Variants in TNFSF12 observed in about 807,000 individuals in gnomAD.
The protein encoded by TNFSF12 is TNF superfamily member 12.
Under a neutral mutation model 31.2 loss-of-function variants are expected in TNFSF12, and 16 were observed. The observed-to-expected ratio is 0.51, with a 90% confidence interval of 0.35 to 0.78. The LOEUF (loss-of-function observed/expected upper bound fraction) is 0.78, where lower values mean the gene tolerates loss of function less well. Among genes scored for constraint, TNFSF12 ranks in the 30% least tolerant of loss-of-function variants. TNFSF12 has a pLI of 0.01. For missense variants in TNFSF12, 324 were observed against 338.8 expected, an observed-to-expected ratio of 0.96 and a Z score of 0.34; for synonymous variants, 150 against 151.4, an observed-to-expected ratio of 0.99 and a Z score of 0.07.
At chr17:7,553,940 T>C (rs538292898) in intron 5 of TNFSF12, 1 of 979,946 alleles carries the variant, frequency 1.0e-6, no homozygotes, top group African/African-American at 1.7e-5. Flanking sequence ...TGGTACAAAA[T>C]CTCAACTTGC....
chr17:7,554,051 G>A (rs1442336028), intron 5 of TNFSF12, among the ~76,000 whole-genome samples: 2 of 152,186 alleles, frequency 1.3e-5, no homozygotes, highest in Non-Finnish European at 2.9e-5. Flanking sequence ...TACCAGGCAA[G>A]CCCTCCGTGC....
intron 5 of TNFSF12, among the ~76,000 whole-genome samples, chr17:7,553,142 C>T (rs545683373): frequency 2.0e-4 from 28 of 143,422 alleles, no homozygotes; most frequent in Non-Finnish European, 3.8e-4. Flanking sequence ...CTCCACCTCC[C>T]GGGTTCAAGC....
Position 7,557,084 on chromosome 17 carries a change from T to C in TNFSF12, c.499-15T>C. On this transcript the variant is annotated splice_polypyrimidine_tract_variant and intron_variant, in intron 6 of 6. Transcript: ENST00000293825. The surrounding 1 kb of genome is among the most constrained non-coding windows in gnomAD (Gnocchi z 5.2). ...CAGGCAGAGGCCTGGACTCGGCCTGTTGTCCCCACCCCAGGTGCACTTTGA... is the reference window on the plus strand; with the variant it reads ...CAGGCAGAGGCCTGGACTCGGCCTGCTGTCCCCACCCCAGGTGCACTTTGA... 2 of 1,603,132 alleles carry C rather than the reference T, an allele frequency of 1.2e-6. No individual in the cohort carries two copies. The highest frequency in any genetic ancestry group is 1.7e-6 in the Non-Finnish European group (2 of 1,172,286).
At position 7,549,579 on chromosome 17, in the gene TNFSF12, G is replaced by A. The variant is rs376316318; in HGVS notation, c.207+58G>A. ...TGGGGCATGGGAAGTGTGCACAGCC[G>A]AGGCTGCAGGTGTGTGCAGCTGTGC... On this transcript the variant is annotated intron_variant, in intron 2 of 6. Coordinates refer to ENST00000293825, the MANE Select transcript of TNFSF12 (RefSeq NM_003809.3). The surrounding 1 kb of genome is among the most constrained non-coding windows in gnomAD (Gnocchi z 4.1). The A allele has an allele frequency of 1.1e-5, 17 of 1,482,870 alleles. No individual in the cohort carries two copies. Among genetic ancestry groups the A allele is most frequent in the Admixed American group, 4.4e-5 (2 of 45,484 alleles). 91.9% of individuals were successfully genotyped at this position (1,482,870 alleles called of 1,614,324 possible).
At chr17:7,554,398 C>G (rs895128739) in intron 5 of TNFSF12, among the ~76,000 whole-genome samples, 2 of 149,820 alleles carry the variant, frequency 1.3e-5, no homozygotes, top group Admixed American at 6.7e-5. Flanking sequence ...ACTGCAAGCT[C>G]CGCCTCCTGG....
intron 5 of TNFSF12, among the ~76,000 whole-genome samples, chr17:7,554,625 AT>A (rs950923773): frequency 6.1e-4 from 69 of 112,438 alleles, no homozygotes; most frequent in African/African-American, 5.9e-4. Flanking sequence ...GGTCAGACCC[AT>A]TTTTTTTTTT....
chr17:7,549,714 T>C lies in TNFSF12; in HGVS notation c.207+193T>C. Reference sequence around the variant, plus strand: ...ACAACTCTGTGTGAGGGGTTTGTGCTGGGGTTGTGCCACCTGAGTCTGAGG... The same window carrying C: ...ACAACTCTGTGTGAGGGGTTTGTGCCGGGGTTGTGCCACCTGAGTCTGAGG... On this transcript the variant is annotated intron_variant, in intron 2 of 6. Coordinates refer to ENST00000293825, the MANE Select transcript of TNFSF12 (RefSeq NM_003809.3). The surrounding 1 kb of genome is among the most constrained non-coding windows in gnomAD (Gnocchi z 4.1). 1.0e-6 allele frequency: 1 copy of C among 973,162 alleles called. No individual in the cohort carries two copies. The highest frequency in any genetic ancestry group is 1.5e-6 in the Non-Finnish European group (1 of 685,612). 60.3% of individuals were successfully genotyped at this position (973,162 alleles called of 1,614,324 possible). A position where few individuals can be genotyped will look rare whatever the true frequency, so the allele number is the denominator to read the frequency against.
Position 7,557,430 on chromosome 17 carries a change from C to T in TNFSF12, c.*80C>T. On this transcript the variant is annotated 3_prime_UTR_variant, in exon 7 of 7. Transcript: ENST00000293825. The surrounding 1 kb of genome is among the most constrained non-coding windows in gnomAD (Gnocchi z 5.2). ...TCTGGGCACCCGGTCCCCTCTGCCC[C>T]ACCCTCAGCCGCTCTTTGCTCCAGA... is the stretch of plus-strand genomic sequence containing the variant. 5 of 1,497,246 alleles carry T rather than the reference C, an allele frequency of 3.3e-6. No individual in the cohort carries two copies. Among genetic ancestry groups the T allele is most frequent in the Non-Finnish European group, 4.4e-6 (5 of 1,126,118 alleles). 92.7% of individuals were successfully genotyped at this position (1,497,246 alleles called of 1,614,324 possible). A position where few individuals can be genotyped will look rare whatever the true frequency, so the allele number is the denominator to read the frequency against.
rs1303670320 is a variant in TNFSF12 at position 7,556,513 on chromosome 17, C to A, written c.374-265C>A. ...TAAAACATTAAATCCCCTCACGCTT[C>A]TCCTTCAGTTCTACTCTTCTCCCCA... On this transcript the variant is annotated intron_variant, in intron 5 of 6. Coordinates refer to ENST00000293825, the MANE Select transcript of TNFSF12 (RefSeq NM_003809.3). Among the ~76,000 whole-genome samples, 5 of 152,206 alleles carry A rather than the reference C, an allele frequency of 3.3e-5. No homozygotes were observed. The East Asian group carries it at 9.6e-4, about 29-fold the overall frequency.
Position 7,550,808 on chromosome 17 carries a change from G to C in TNFSF12, c.293G>C (p.Gly98Ala), listed in dbSNP as rs781430505. ...TTTCCTTGATCCTCAGCACCTAAAG[G>C]CCGGAAAACACGGGCTCGAAGAGCG... ...LVRPRRSAPK[G>A]RKTRARRAIA... Residue 98 changes from glycine (G) to alanine (A), a missense_variant, in exon 4 of 7, where the codon GGC becomes GCC. Coordinates refer to ENST00000293825, the MANE Select transcript of TNFSF12 (RefSeq NM_003809.3). This position sits in a 1 kb window ranked among gnomAD's most constrained non-coding sequence, Gnocchi z 4.4. 8 of 1,610,868 alleles carry C rather than the reference G, an allele frequency of 5.0e-6. No individual in the cohort carries two copies. The South Asian group carries it at 6.6e-5, about 13-fold the overall frequency.
intron 5 of TNFSF12, among the ~76,000 whole-genome samples, chr17:7,552,591 A>T (rs1301617741): frequency 6.6e-6 from 1 of 152,046 alleles, no homozygotes; most frequent in Non-Finnish European, 1.5e-5. Context: ...AGCCTCCCAA[A>T]GTGCTGGGAT....
intron 5 of TNFSF12, chr17:7,553,524 G>A: frequency 1.4e-6 from 1 of 712,790 alleles, no homozygotes; most frequent in Middle Eastern, 2.8e-4. Flanking sequence ...ACTTGTGTTT[G>A]GTCTTATCTA....
At chr17:7,556,639 G>A in intron 5 of TNFSF12, 139 bp from the exon 6 acceptor site, 1 of 1,307,330 alleles carries the variant, frequency 7.6e-7, no homozygotes, top group Non-Finnish European at 9.8e-7. Flanking sequence ...ATAGGGGATG[G>A]GTCCTCCCTT....
At chr17:7,554,307 CTTTTTT>C (rs67090485) in intron 5 of TNFSF12, among the ~76,000 whole-genome samples, 8 of 73,032 alleles carry the variant, frequency 1.1e-4, no homozygotes, top group South Asian at 1.4e-3. Flanking sequence ...TATCCAGACT[CTTTTTT>C]TTTTTTTTTT....
intron 5 of TNFSF12, among the ~76,000 whole-genome samples, chr17:7,555,985 T>TTTTTTTG (rs2071059972): frequency 7.6e-6 from 1 of 132,238 alleles, no homozygotes; most frequent in Non-Finnish European, 1.7e-5. Context: ...TTTTTTTGTT[T>TTTTTTTG]TTTTTTTTTT....
chr17:7,550,326 G>C lies in TNFSF12; in HGVS notation c.283+131G>C. The C allele has an allele frequency of 7.9e-6, 11 of 1,387,514 alleles. 2 individuals are homozygous for C. The South Asian group carries it at 1.4e-4, about 17-fold the overall frequency. The allele number at this position is 1,387,514 out of a possible 1,614,324, so 86.0% of individuals were successfully genotyped here. ...CTAACCAGCCAAGACTCAAACCTAG[G>C]GATTCTCGCCCTCCTCTGAAGCTCC... On this transcript the variant is annotated intron_variant, in intron 3 of 6. Coordinates refer to ENST00000293825, the MANE Select transcript of TNFSF12 (RefSeq NM_003809.3). The surrounding 1 kb of genome is among the most constrained non-coding windows in gnomAD (Gnocchi z 4.4).
chr17:7,553,706 T>G (rs2071026646), intron 5 of TNFSF12: 9 of 1,298,448 alleles, frequency 6.9e-6, no homozygotes, highest in Non-Finnish European at 9.1e-6. Context: ...AGGTGGCTGG[T>G]GCAGGGGTGA....
Position 7,549,123 on chromosome 17 carries a change from G to C in TNFSF12, c.-31G>C, listed in dbSNP as rs576176147. The C allele has an allele frequency of 1.5e-4, 192 of 1,246,960 alleles. No homozygotes were observed. Among genetic ancestry groups the C allele is most frequent in the East Asian group, 3.8e-4 (12 of 31,194 alleles). 77.2% of individuals were successfully genotyped at this position (1,246,960 alleles called of 1,614,324 possible). ...GATCCCTCGGGTCCCGGGATGGGGG[G>C]GCGGTGAGGCAGGCACAGCCCCCCG... On this transcript the variant is annotated 5_prime_UTR_variant, in exon 1 of 7. Transcript: ENST00000293825. The surrounding 1 kb of genome is among the most constrained non-coding windows in gnomAD (Gnocchi z 4.1).
chr17:7,555,973 G>GTTTGT (rs1555564688), intron 5 of TNFSF12, among the ~76,000 whole-genome samples: 5 of 70,878 alleles, frequency 7.1e-5, no homozygotes, highest in African/African-American at 2.9e-4. Context: ...CCCAGTGAGC[G>GTTTGT]TTTTTTTTGT....
Sources: allele counts gnomAD v4.1 joint callset (sites outside exome capture counted in the v4.1 genomes callset), GRCh38; gene constraint gnomAD v4.1.1; non-coding constraint Gnocchi (gnomAD v3.1); transcripts MANE v1.5; gene names NCBI Gene and HGNC (gene_info 2026-07-23, HGNC 2026-07-21).